SLX4: variants seen among roughly 807,000 people sequenced by gnomAD.
SLX4 encodes the protein SLX4 structure-specific endonuclease subunit.
Under a neutral mutation model 146.2 loss-of-function variants are expected in SLX4, and 112 were observed. The observed-to-expected ratio is 0.77, with a 90% confidence interval of 0.66 to 0.90. The LOEUF (loss-of-function observed/expected upper bound fraction) is 0.90, where lower values mean the gene tolerates loss of function less well. Ranked by LOEUF, SLX4 falls within the 40% of genes least tolerant of loss-of-function variation. The probability of loss-of-function intolerance (pLI) is 0.00; values close to 1 mark genes in which losing one functional copy is unlikely to be tolerated. For missense variants in SLX4, 2,563 were observed against 2,392.7 expected (o/e 1.07, Z -1.49); for synonymous variants, 1,061 against 997.7 (o/e 1.06, Z -1.20).
chr16:3,594,326 G>GCA lies in SLX4; in HGVS notation c.2160+126_2160+127insTG, dbSNP rs1378794646. On this transcript the variant is annotated intron_variant, in intron 10 of 14. Coordinates refer to ENST00000294008, the MANE Select transcript of SLX4 (RefSeq NM_032444.4). ...GAGGGAGAAGGTGAGAACATGGTGG[G>GCA]GCAGGAAGTGAGGGAGAGTGGGGGG... The GCA allele has an allele frequency of 6.4e-5, 84 of 1,305,056 alleles. No homozygotes were observed. The East Asian group carries it at 1.9e-3, about 30-fold the overall frequency. The allele number at this position is 1,305,056 out of a possible 1,614,324, so 80.8% of individuals were successfully genotyped here.
At position 3,606,477 on chromosome 16, in the gene SLX4, T is replaced by A. The variant is rs769763461; in HGVS notation, c.757A>T (p.Asn253Tyr). The A allele has an allele frequency of 6.2e-7, 1 of 1,614,078 alleles. No individual in the cohort carries two copies. Among genetic ancestry groups the A allele is most frequent in the Admixed American group, 1.7e-5 (1 of 59,996 alleles). ...KDPQEEMMAG[N>Y]VYGLGPPAPE... ...GACAGAAACACACTCATCATACCAT[T>A]CCCCGCCATCATCTCCTCTTGAGGA... is the stretch of plus-strand genomic sequence containing the variant. Residue 253 changes from asparagine to tyrosine, a missense_variant, in exon 3 of 15, where the codon AAT (asparagine) becomes TAT (tyrosine). Transcript: ENST00000294008.
At chr16:3,601,378 C>T in intron 4 of SLX4, 187 bp from the exon 5 acceptor site, 2 of 639,452 alleles carry the variant, frequency 3.1e-6, no homozygotes, top group East Asian at 2.8e-5. Context: ...TATCTGTCAG[C>T]AAAGTTGGCT....
chr16:3,586,754 G>A (rs966241256), intron 12 of SLX4, among the ~76,000 whole-genome samples: 1 of 151,730 alleles, frequency 6.6e-6, no homozygotes, highest in Admixed American at 6.6e-5. Context: ...GGAGGTGGAG[G>A]TTGCAGTGAG....
At chr16:3,610,678 T>G (rs2040850723) in intron 1 of SLX4, among the ~76,000 whole-genome samples, 1 of 152,182 alleles carries the variant, frequency 6.6e-6, no homozygotes, top group African/African-American at 2.4e-5. Context: ...TTCATCGGCT[T>G]ATTATCTGTC....
intron 2 of SLX4, among the ~76,000 whole-genome samples, chr16:3,607,646 C>G (rs2040801800): frequency 6.6e-6 from 1 of 152,142 alleles, no homozygotes; most frequent in African/African-American, 2.4e-5. Context: ...GATAGCACCA[C>G]TGCACTCCAG....
chr16:3,596,815 G>A (rs1478110081), intron 7 of SLX4, among the ~76,000 whole-genome samples: 1 of 151,650 alleles, frequency 6.6e-6, no homozygotes, highest in African/African-American at 2.4e-5. Context: ...CAGTTGCCCT[G>A]GGACTCTGTT....
chr16:3,584,414 C>CT lies in SLX4; in HGVS notation c.4739+354dup, dbSNP rs530000366. Among the ~76,000 whole-genome samples, 896 of 152,178 alleles carry CT rather than the reference C, an allele frequency of 5.9e-3. 5 individuals are homozygous for CT. The highest frequency in any genetic ancestry group is 9.3e-3 in the Non-Finnish European group (633 of 67,988). On this transcript the variant is annotated intron_variant, in intron 13 of 14. Coordinates refer to ENST00000294008, the MANE Select transcript of SLX4 (RefSeq NM_032444.4). The stretch of plus-strand genomic sequence containing the variant: ...CCAGCCTGGGCGACAGAGCAAGACT[C>CT]TGTCTTTCAAAAAAAAAATCAGACC...
In SLX4 at chr16:3,592,793, T is replaced by G; in HGVS notation, c.2233A>C (p.Thr745Pro). Reference sequence around the variant, plus strand: ...TGCAGGAACGTGCGGGCGGCCTCGGTGCTCACGTCACCCAGCAGGACACGC... The same window carrying G: ...TGCAGGAACGTGCGGGCGGCCTCGGGGCTCACGTCACCCAGCAGGACACGC... ...TQRVLLGDVSTEAARTFLHYL... is the reference protein window; with the variant it reads ...TQRVLLGDVSPEAARTFLHYL... The change falls in exon 11 of 15, where the codon ACC becomes CCC. Residue 745 changes from threonine (T) to proline (P), a missense_variant. Physicochemically the swap from Thr to Pro is conservative, Grantham distance 38. Coordinates refer to ENST00000294008, the MANE Select transcript of SLX4 (RefSeq NM_032444.4). 1 of 1,612,604 alleles carries G rather than the reference T, an allele frequency of 6.2e-7. No homozygotes were observed. Among genetic ancestry groups the G allele is most frequent in the East Asian group, 2.2e-5 (1 of 44,866 alleles).
rs1198880078 is a variant in SLX4, at chr16:3,589,096, C to G, written c.4542G>C (p.Trp1514Cys). The change falls in exon 12 of 15, where the codon TGG becomes TGC. Residue 1514 changes from tryptophan (W) to cysteine (C), a missense_variant. Coordinates refer to ENST00000294008, the MANE Select transcript of SLX4 (RefSeq NM_032444.4). The surrounding 1 kb of genome is among the most constrained non-coding windows in gnomAD (Gnocchi z 6.2). ...SFLNSALWDV[W>C]DGEEQRPPET... ...CTGGAGGCCTCTGCTCTTCCCCGTCCCAAACGTCCCACAGAGCCGAATTCA... is the reference window on the plus strand; with the variant it reads ...CTGGAGGCCTCTGCTCTTCCCCGTCGCAAACGTCCCACAGAGCCGAATTCA... 1.9e-6 allele frequency: 3 copies of G among 1,614,036 alleles called. No homozygotes were observed. The highest frequency in any genetic ancestry group is 1.1e-5 in the South Asian group (1 of 91,090).
rs1782506247 is a variant in SLX4, at chr16:3,590,825, G to T, written c.2813C>A (p.Ala938Glu). 1 of 1,613,942 alleles carries T rather than the reference G, an allele frequency of 6.2e-7. No homozygotes were observed. Among genetic ancestry groups the T allele is most frequent in the Admixed American group, 1.7e-5 (1 of 60,002 alleles). ...CTGCTCAGGGGCCTCTGCTCCCCGTGCCCCTGAGTGCTGGCCCTGGGGTGG... is the reference window on the plus strand; with the variant it reads ...CTGCTCAGGGGCCTCTGCTCCCCGTTCCCCTGAGTGCTGGCCCTGGGGTGG... Reference protein sequence around the residue: ...LPPPQGQHSGARGAEAPEQEA... With the variant: ...LPPPQGQHSGERGAEAPEQEA... Residue 938 changes from alanine (A) to glutamate (E), a missense_variant, in exon 12 of 15, where the codon GCA (alanine) becomes GAA (glutamate). Transcript: ENST00000294008. The surrounding 1 kb of genome is among the most constrained non-coding windows in gnomAD (Gnocchi z 4.8).
In SLX4 at chr16:3,590,578, A is replaced by G; in HGVS notation, c.3060T>C (p.His1020=). 6.2e-7 allele frequency: 1 copy of G among 1,612,840 alleles called. No individual in the cohort carries two copies. The highest frequency in any genetic ancestry group is 8.5e-7 in the Non-Finnish European group (1 of 1,178,892). Residue 1020 remains histidine (H), a synonymous_variant, in exon 12 of 15, where the codon CAT becomes CAC. Coordinates refer to ENST00000294008, the MANE Select transcript of SLX4 (RefSeq NM_032444.4). This position sits in a 1 kb window ranked among gnomAD's most constrained non-coding sequence, Gnocchi z 4.8. ...AVRERGLEVS[H]RLAPWQASPP... is the part of the protein sequence containing the mutation. The stretch of plus-strand genomic sequence containing the variant: ...GAGATGCCTGCCAGGGAGCCAGGCG[A>G]TGAGAAACCTCCAGCCCCCTTTCCC...
chr16:3,603,299 TCCC>T (rs1296249621), intron 3 of SLX4, among the ~76,000 whole-genome samples: 2 of 152,186 alleles, frequency 1.3e-5, no homozygotes, highest in Non-Finnish European at 2.9e-5. Flanking sequence ...CGCCTTGGCC[TCCC>T]CAAAGTGCTG....
rs758674580 is a variant in SLX4, at chr16:3,608,647, A to G, written c.318T>C (p.Pro106=). 1 of 1,614,170 alleles carries G rather than the reference A, an allele frequency of 6.2e-7. No homozygotes were observed. The highest frequency in any genetic ancestry group is 8.5e-7 in the Non-Finnish European group (1 of 1,180,028). ...TATKTKTLQG[P]AEKKPPSGSQ... ...TGCCAGACGGAGGTTTCTTCTCTGC[A>G]GGGCCTTGAAGGGTTTTGGTCTTGG... The change falls in exon 2 of 15, where the codon CCT becomes CCC. Residue 106 remains proline, a synonymous_variant. Coordinates refer to ENST00000294008, the MANE Select transcript of SLX4 (RefSeq NM_032444.4).
chr16:3,585,502 C>T (rs550898500), intron 12 of SLX4, among the ~76,000 whole-genome samples: 22 of 148,256 alleles, frequency 1.5e-4, no homozygotes, highest in African/African-American at 5.0e-4. Flanking sequence ...AGGAGAATGG[C>T]GTGAACCTGG....
chr16:3,582,276 C>G lies in SLX4; in HGVS notation c.*66G>C. ...CTGACCCACGCTGGGTGTCCCAGGT[C>G]CTCCCTGCAAATGGCGGGGGTGGGG... is the stretch of plus-strand genomic sequence containing the variant. On this transcript the variant is annotated 3_prime_UTR_variant, in exon 15 of 15. Coordinates refer to ENST00000294008, the MANE Select transcript of SLX4 (RefSeq NM_032444.4). The G allele has an allele frequency of 6.9e-7, 1 of 1,441,308 alleles. No homozygotes were observed. The highest frequency in any genetic ancestry group is 9.5e-7 in the Non-Finnish European group (1 of 1,051,652). The allele number at this position is 1,441,308 out of a possible 1,614,324, so 89.3% of individuals were successfully genotyped here. A position where few individuals can be genotyped will look rare whatever the true frequency, so the allele number is the denominator to read the frequency against.
intron 13 of SLX4, 86 bp from the exon 14 acceptor site, chr16:3,583,596 C>A: frequency 6.9e-7 from 1 of 1,444,630 alleles, no homozygotes; most frequent in African/African-American, 1.4e-5. Flanking sequence ...GAGTGATACC[C>A]AATGCATTCA....
Position 3,591,320 on chromosome 16 carries a change from G to T in SLX4, c.2328-10C>A, listed in dbSNP as rs772746477. On this transcript the variant is annotated splice_polypyrimidine_tract_variant and intron_variant, in intron 11 of 14. Coordinates refer to ENST00000294008, the MANE Select transcript of SLX4 (RefSeq NM_032444.4). ...CTCACTCACGCCAAACCTGCAACAC[G>T]AAACATCGACAGTCATCGCCCCTCT... is the stretch of plus-strand genomic sequence containing the variant. 6.2e-6 allele frequency: 10 copies of T among 1,609,484 alleles called. No homozygotes were observed. Among genetic ancestry groups the T allele is most frequent in the Non-Finnish European group, 6.8e-6 (8 of 1,180,002 alleles).
rs78635099 is a variant in SLX4, at chr16:3,589,057, C to T, written c.4581G>A (p.Pro1527=). ...CTCCACCAGCGCTTGGCATCTGGGC[C>T]GGAGGAGGGGTCTCTGGAGGCCTCT... The part of the protein sequence containing the change: ...EEQRPPETPP[P]AQMPSAGGAQ... The change falls in exon 12 of 15, where the codon CCG becomes CCA. Residue 1527 remains proline, a synonymous_variant. Coordinates refer to ENST00000294008, the MANE Select transcript of SLX4 (RefSeq NM_032444.4). The surrounding 1 kb of genome is among the most constrained non-coding windows in gnomAD (Gnocchi z 6.2). The T allele has an allele frequency of 5.5e-3, 8,898 of 1,614,134 alleles. 220 individuals carry two copies. In the African/African-American group the frequency reaches 0.067, roughly 12 times the overall value.
chr16:3,581,929 G>C lies in SLX4; in HGVS notation c.*413C>G, dbSNP rs2040440328. On this transcript the variant is annotated 3_prime_UTR_variant, in exon 15 of 15. Transcript: ENST00000294008. Reference sequence around the variant, plus strand: ...GTGGCAGCGTGTGCCTGTAGTCCCAGCTATCTGGGAGGCTGAGGCAGGAGA... The same window carrying C: ...GTGGCAGCGTGTGCCTGTAGTCCCACCTATCTGGGAGGCTGAGGCAGGAGA... The C allele has an allele frequency of 4.2e-6, 1 of 239,546 alleles. No individual in the cohort carries two copies. Among genetic ancestry groups the C allele is most frequent in the African/African-American group, 2.2e-5 (1 of 44,480 alleles). The allele number at this position is 239,546 out of a possible 1,614,324, so 14.8% of individuals were successfully genotyped here.
Sources: allele counts gnomAD v4.1 joint callset (sites outside exome capture counted in the v4.1 genomes callset), GRCh38; gene constraint gnomAD v4.1.1; non-coding constraint Gnocchi (gnomAD v3.1); transcripts MANE v1.5; gene names NCBI Gene and HGNC (gene_info 2026-07-23, HGNC 2026-07-21).